The following NTNG1 variants were observed in gnomAD, a reference collection of about 807,000 sequenced individuals.
NTNG1 encodes netrin G1.
In NTNG1, 16 loss-of-function variants were observed where a neutral mutation model predicts 54.0. The observed-to-expected ratio is 0.30, with a 90% CI of 0.20 to 0.45. The LOEUF is 0.45. NTNG1 is among the 20% of genes least tolerant of loss of function. The probability of loss-of-function intolerance (pLI) is 1.00; values close to 1 mark genes in which losing one functional copy is unlikely to be tolerated. For synonymous variants in NTNG1, 255 were observed against 263.1 expected (o/e 0.97, Z 0.30); for missense variants, 530 against 678.7 (o/e 0.78, Z 2.43).
intron 3 of NTNG1, among the ~76,000 whole-genome samples, chr1:107,353,526 G>A (rs1298482537): frequency 1.3e-5 from 2 of 151,808 alleles, no homozygotes; most frequent in African/African-American, 4.8e-5. Flanking sequence ...TCACATTTTT[G>A]TCACAACAGC....
intron 3 of NTNG1, among the ~76,000 whole-genome samples, chr1:107,370,507 C>G (rs1403998185): frequency 6.6e-6 from 1 of 151,778 alleles, no homozygotes; most frequent in East Asian, 1.9e-4. Flanking sequence ...ATCCCTCACC[C>G]CCCTTTCATA....
At chr1:107,325,065 G>A (rs1667872552) in intron 3 of NTNG1, 143 bp downstream of exon 3, 1 of 787,578 alleles carries the variant, frequency 1.3e-6, no homozygotes, top group African/African-American at 1.7e-5. Flanking sequence ...AGGTTCTGAA[G>A]GCATTCTGAG....
At position 107,184,660 on chromosome 1, in the gene NTNG1, T is replaced by C. The variant is rs555377019; in HGVS notation, c.246+35821T>C. Among the ~76,000 whole-genome samples the C allele has an allele frequency of 3.2e-4, 49 of 152,252 alleles. 2 individuals are homozygous for C. In the South Asian group the frequency reaches 9.7e-3, roughly 30 times the overall value. ...CTTTAGTGTAAGCCTTTTTCTACCA[T>C]GGGCTTCCAGTGAAGCTGCCATGGA... On this transcript the variant is annotated intron_variant, in intron 2 of 7. Transcript: ENST00000370068.
chr1:107,218,072 GTC>G (rs1660092464), intron 2 of NTNG1, among the ~76,000 whole-genome samples: 1 of 152,030 alleles, frequency 6.6e-6, no homozygotes, highest in Non-Finnish European at 1.5e-5. Flanking sequence ...TTGTGTTGCT[GTC>G]TGTCTCAGCA....
chr1:107,250,690 A>G (rs12143470), intron 2 of NTNG1, among the ~76,000 whole-genome samples: 95,484 of 152,040 alleles, frequency 0.63, 33,191 homozygotes, highest in Non-Finnish European at 0.78. Flanking sequence ...TCGGTCCTTC[A>G]GAGATGTGTC....
At chr1:107,163,361 C>T (rs560954591) in intron 2 of NTNG1, among the ~76,000 whole-genome samples, 3 of 152,124 alleles carry the variant, frequency 2.0e-5, no homozygotes, top group African/African-American at 7.2e-5. Flanking sequence ...ATGTACTTAG[C>T]ACAGGGCCTG....
intron 7 of NTNG1, among the ~76,000 whole-genome samples, chr1:107,441,021 G>A (rs189963674): frequency 6.7e-6 from 1 of 149,332 alleles, no homozygotes; most frequent in Admixed American, 6.7e-5. Flanking sequence ...ATAGAAAAAT[G>A]AGACATTGGA....
intron 7 of NTNG1, among the ~76,000 whole-genome samples, chr1:107,465,546 C>T (rs1238918158): frequency 2.0e-5 from 3 of 152,198 alleles, no homozygotes; most frequent in African/African-American, 7.2e-5. Flanking sequence ...TGCCATAAGG[C>T]TTCAAAGGAA....
At chr1:107,398,069 A>T in intron 4 of NTNG1, among the ~76,000 whole-genome samples, 1 of 152,164 alleles carries the variant, frequency 6.6e-6, no homozygotes. Context: ...CTAACATAAC[A>T]CAAAAGCTAC....
chr1:107,431,973 G>A (rs901776372), intron 6 of NTNG1, among the ~76,000 whole-genome samples: 30 of 152,060 alleles, frequency 2.0e-4, no homozygotes, highest in African/African-American at 6.3e-4. Flanking sequence ...AGATCCAAGT[G>A]TCACAAAAAA....
At chr1:107,215,251 G>T (rs1209951071) in intron 2 of NTNG1, among the ~76,000 whole-genome samples, 1 of 152,054 alleles carries the variant, frequency 6.6e-6, no homozygotes, top group Non-Finnish European at 1.5e-5. Flanking sequence ...TCTAGAATTT[G>T]TATGGTTTCA....
intron 2 of NTNG1, among the ~76,000 whole-genome samples, chr1:107,317,732 C>T (rs1013125907): frequency 6.6e-6 from 1 of 152,138 alleles, no homozygotes; most frequent in African/African-American, 2.4e-5. Context: ...GCCCTCCCGT[C>T]TTTATTCCTG....
intron 3 of NTNG1, among the ~76,000 whole-genome samples, chr1:107,351,925 C>T (rs541816100): frequency 6.1e-4 from 93 of 152,364 alleles, no homozygotes; most frequent in African/African-American, 2.1e-3. Flanking sequence ...AAAGGGGCTA[C>T]AGGCCCCGTG....
intron 3 of NTNG1, among the ~76,000 whole-genome samples, chr1:107,386,337 CT>C (rs890441190): frequency 6.6e-6 from 1 of 151,004 alleles, no homozygotes; most frequent in African/African-American, 2.4e-5. Flanking sequence ...GCCCAGCTAA[CT>C]TTTTTTTGTA....
intron 7 of NTNG1, among the ~76,000 whole-genome samples, chr1:107,457,930 A>G (rs1677053212): frequency 1.3e-5 from 2 of 152,142 alleles, no homozygotes; most frequent in African/African-American, 4.8e-5. Flanking sequence ...TTCCTTAGTT[A>G]GAGATATTAG....
At chr1:107,423,004 T>A (rs1342850725) in intron 5 of NTNG1, among the ~76,000 whole-genome samples, 1 of 152,058 alleles carries the variant, frequency 6.6e-6, no homozygotes, top group African/African-American at 2.4e-5. Flanking sequence ...TTCCTGGAAA[T>A]CTCATCTGCC....
chr1:107,320,784 A>G (rs781094814), intron 2 of NTNG1, among the ~76,000 whole-genome samples: 13 of 151,380 alleles, frequency 8.6e-5, no homozygotes, highest in Non-Finnish European at 1.5e-4. Context: ...AGTTATGTTA[A>G]TAGCCATCAA....
At chr1:107,184,310 G>A (rs1276981111) in intron 2 of NTNG1, among the ~76,000 whole-genome samples, 1 of 152,080 alleles carries the variant, frequency 6.6e-6, no homozygotes, top group African/African-American at 2.4e-5. Flanking sequence ...TTCAAAAAAG[G>A]GAGACATGGG....
intron 2 of NTNG1, among the ~76,000 whole-genome samples, chr1:107,251,275 A>T (rs1013426639): frequency 2.6e-5 from 4 of 152,248 alleles, no homozygotes; most frequent in African/African-American, 9.6e-5. Flanking sequence ...TCTTTCCTTG[A>T]TGAGTAAATG....
Sources: gnomAD v4.1 joint callset for allele counts (sites outside exome capture counted in the v4.1 genomes callset) on GRCh38, gnomAD v4.1.1 for gene constraint, MANE v1.5 for transcripts, NCBI Gene and HGNC (gene_info 2026-07-23, HGNC 2026-07-21) for gene names.